Variants in PCDHGA12 observed in about 807,000 individuals in gnomAD.
The protein encoded by PCDHGA12 is protocadherin gamma-A12.
In PCDHGA12, 43 loss-of-function variants were observed where a neutral mutation model predicts 61.1. The observed-to-expected ratio is 0.70, with a 90% CI of 0.55 to 0.91. The LOEUF (loss-of-function observed/expected upper bound fraction) is 0.91. PCDHGA12 is among the 40% of genes least tolerant of loss of function. PCDHGA12 has a pLI of 0.00. For missense variants in PCDHGA12, 1,236 were observed against 1,227.7 expected (o/e 1.01, Z -0.10); for synonymous variants, 520 against 542.9 (o/e 0.96, Z 0.59).
rs1244735686 is a variant in PCDHGA12 at position 141,432,142 on chromosome 5, C to A, written c.1383C>A (p.Ile461=). 1 of 1,614,098 alleles carries A rather than the reference C, an allele frequency of 6.2e-7. No homozygotes were observed. The highest frequency in any genetic ancestry group is 1.1e-5 in the South Asian group (1 of 91,066). Residue 461 remains isoleucine, a synonymous_variant, in exon 1 of 4, where the codon ATC becomes ATA. Transcript: ENST00000252085. This position sits in a 1 kb window ranked among gnomAD's most constrained non-coding sequence, Gnocchi z 6.0. ...CTCAGGCCTCCTATTCCGCTTATAT[C>A]CCAGAGAACAATCCCAGAGGAGTTT... The part of the protein sequence containing the change: ...VFPQASYSAY[I]PENNPRGVSL...
intron 1 of PCDHGA12, among the ~76,000 whole-genome samples, chr5:141,463,393 C>CA (rs955461719): frequency 5.7e-5 from 8 of 140,804 alleles, no homozygotes; most frequent in Non-Finnish European, 7.6e-5. Flanking sequence ...TGTCTCCAGG[C>CA]AAAAAAAATG....
Position 141,491,902 on chromosome 5 carries a change from G to C in PCDHGA12, c.2425-2905G>C. On this transcript the variant is annotated intron_variant, in intron 1 of 3. Transcript: ENST00000252085. This position sits in a 1 kb window ranked among gnomAD's most constrained non-coding sequence, Gnocchi z 6.9. ...AGGGATGGGGCTCCGAGCACCGGGG[G>C]TGGTGGCGACTGTGGGCGAGGGGAG... 7.0e-7 allele frequency: 1 copy of C among 1,429,002 alleles called. No individual in the cohort carries two copies. Among genetic ancestry groups the C allele is most frequent in the Non-Finnish European group, 9.3e-7 (1 of 1,079,426 alleles). The allele number at this position is 1,429,002 out of a possible 1,614,324, so 88.5% of individuals were successfully genotyped here. A position where few individuals can be genotyped will look rare whatever the true frequency, so the allele number is the denominator to read the frequency against.
rs979750945 is a variant in PCDHGA12 at position 141,478,807 on chromosome 5, A to G, written c.2425-16000A>G. The G allele has an allele frequency of 3.4e-6, 5 of 1,459,258 alleles. No homozygotes were observed. The African/African-American group carries it at 5.7e-5, about 17-fold the overall frequency. 90.4% of individuals were successfully genotyped at this position (1,459,258 alleles called of 1,614,324 possible). On this transcript the variant is annotated intron_variant, in intron 1 of 3. Transcript: ENST00000252085. The stretch of plus-strand genomic sequence containing the variant: ...TTCACATCCTCAGCACTCTTTTGCT[A>G]TCACAACTAACCAATCTTGCTAAGG...
At position 141,431,389 on chromosome 5, in the gene PCDHGA12, G is replaced by A; in HGVS notation, c.630G>A (p.Leu210=). 2 of 1,613,876 alleles carry A rather than the reference G, an allele frequency of 1.2e-6. No individual in the cohort carries two copies. The highest frequency in any genetic ancestry group is 1.7e-6 in the Non-Finnish European group (2 of 1,180,040). The part of the protein sequence containing the change: ...LDREEKAAHH[L]VLTASDGGDP... ...GCGAAGAAAAGGCTGCTCACCACCT[G>A]GTCCTTACGGCCTCCGACGGGGGCG... The change falls in exon 1 of 4, where the codon CTG becomes CTA. Residue 210 remains leucine (L), a synonymous_variant. Coordinates refer to ENST00000252085, the MANE Select transcript of PCDHGA12 (RefSeq NM_003735.3). This position sits in a 1 kb window ranked among gnomAD's most constrained non-coding sequence, Gnocchi z 4.8.
Position 141,476,294 on chromosome 5 carries a change from A to G in PCDHGA12, c.2425-18513A>G. 6.2e-7 allele frequency: 1 copy of G among 1,613,036 alleles called. No homozygotes were observed. The highest frequency in any genetic ancestry group is 8.5e-7 in the Non-Finnish European group (1 of 1,179,642). On this transcript the variant is annotated intron_variant, in intron 1 of 3. Transcript: ENST00000252085. The surrounding 1 kb of genome is among the most constrained non-coding windows in gnomAD (Gnocchi z 7.6). ...CGCGAACCTTGGTTTGGATCTCGGT[A>G]GCCTCTCAGCCCGCAGGTTCCGGGT...
intron 2 of PCDHGA12, among the ~76,000 whole-genome samples, chr5:141,498,747 C>T (rs1363145286): frequency 6.6e-6 from 1 of 152,106 alleles, no homozygotes; most frequent in Non-Finnish European, 1.5e-5. Context: ...GCCTGGCCAA[C>T]ATGATGAAAC....
Position 141,430,946 on chromosome 5 carries a change from G to A in PCDHGA12, c.187G>A (p.Gly63Arg), listed in dbSNP as rs2097328634. ...GLEPRELAER[G>R]VRIIPRGRTQ... Reference sequence around the variant, plus strand: ...GGAGCCCCGGGAGCTCGCGGAGCGCGGAGTCCGCATCATCCCCAGAGGTAG... The same window carrying A: ...GGAGCCCCGGGAGCTCGCGGAGCGCAGAGTCCGCATCATCCCCAGAGGTAG... Residue 63 changes from glycine to arginine, a missense_variant, in exon 1 of 4, where the codon GGA becomes AGA. Physicochemically the swap from Gly to Arg is moderately radical, Grantham distance 125. Transcript: ENST00000252085. 6.2e-7 allele frequency: 1 copy of A among 1,609,494 alleles called. No homozygotes were observed. Among genetic ancestry groups the A allele is most frequent in the Non-Finnish European group, 8.5e-7 (1 of 1,178,154 alleles).
At chr5:141,468,425 T>TA (rs2099167168) in intron 1 of PCDHGA12, 1 of 151,612 alleles carries the variant, frequency 6.6e-6, no homozygotes, top group Non-Finnish European at 1.5e-5. Context: ...GATAGCAAGG[T>TA]AATAGCAAAA....
rs751874380 is a variant in PCDHGA12 at position 141,486,055 on chromosome 5, C to A, written c.2425-8752C>A. ...CTGATCGTGTAAGAAACCTCTTTAG[C>A]CTGCACCCCACTACTGGAAAGCTTA... On this transcript the variant is annotated intron_variant, in intron 1 of 3. Transcript: ENST00000252085. The surrounding 1 kb of genome is among the most constrained non-coding windows in gnomAD (Gnocchi z 5.0). The A allele has an allele frequency of 6.2e-7, 1 of 1,614,170 alleles. No individual in the cohort carries two copies. Among genetic ancestry groups the A allele is most frequent in the South Asian group, 1.1e-5 (1 of 91,072 alleles).
At chr5:141,499,287 C>T (rs896428388) in intron 2 of PCDHGA12, among the ~76,000 whole-genome samples, 3 of 152,184 alleles carry the variant, frequency 2.0e-5, no homozygotes, top group Non-Finnish European at 2.9e-5. Context: ...CTGATGGCTC[C>T]ACACTACCAT....
In PCDHGA12 at chr5:141,476,299, C is replaced by G; in HGVS notation, c.2425-18508C>G. On this transcript the variant is annotated intron_variant, in intron 1 of 3. Transcript: ENST00000252085. This position sits in a 1 kb window ranked among gnomAD's most constrained non-coding sequence, Gnocchi z 7.6. The stretch of plus-strand genomic sequence containing the variant: ...ACCTTGGTTTGGATCTCGGTAGCCT[C>G]TCAGCCCGCAGGTTCCGGGTGGTGT... The G allele has an allele frequency of 6.2e-7, 1 of 1,614,100 alleles. No individual in the cohort carries two copies. The highest frequency in any genetic ancestry group is 8.5e-7 in the Non-Finnish European group (1 of 1,180,014).
At chr5:141,445,300 TCA>T (rs1443961962) in intron 1 of PCDHGA12, among the ~76,000 whole-genome samples, 1 of 152,202 alleles carries the variant, frequency 6.6e-6, no homozygotes, top group Non-Finnish European at 1.5e-5. Flanking sequence ...TCCATTCTCT[TCA>T]GTTTGTAGGT....
chr5:141,492,091 C>G (rs930375969), intron 1 of PCDHGA12, among the ~76,000 whole-genome samples: 5 of 152,242 alleles, frequency 3.3e-5, no homozygotes, highest in Non-Finnish European at 5.9e-5. Flanking sequence ...CACGCTTCGC[C>G]GGTCTGTAGA....
In PCDHGA12 at chr5:141,476,432, G is replaced by T; in HGVS notation, c.2425-18375G>T. 6.2e-7 allele frequency: 1 copy of T among 1,614,116 alleles called. No individual in the cohort carries two copies. The highest frequency in any genetic ancestry group is 8.5e-7 in the Non-Finnish European group (1 of 1,180,028). ...GTGTGGGACACTGCCCTCTTGCACT[G>T]TAACTCTGGAGTTGGTAGTGGAGAA... On this transcript the variant is annotated intron_variant, in intron 1 of 3. Coordinates refer to ENST00000252085, the MANE Select transcript of PCDHGA12 (RefSeq NM_003735.3). The surrounding 1 kb of genome is among the most constrained non-coding windows in gnomAD (Gnocchi z 7.6).
rs1267965791 is a variant in PCDHGA12, at chr5:141,431,329, G to C, written c.570G>C (p.Lys190Asn). 1 of 1,614,002 alleles carries C rather than the reference G, an allele frequency of 6.2e-7. No individual in the cohort carries two copies. Among genetic ancestry groups the C allele is most frequent in the East Asian group, 2.2e-5 (1 of 44,904 alleles). The change falls in exon 1 of 4, where the codon AAG becomes AAC. Residue 190 changes from lysine (K) to asparagine (N), a missense_variant. Coordinates refer to ENST00000252085, the MANE Select transcript of PCDHGA12 (RefSeq NM_003735.3). The surrounding 1 kb of genome is among the most constrained non-coding windows in gnomAD (Gnocchi z 4.8). ...TGCAAAATGGAGCCGACGGTAGTAA[G>C]TACCCCGAATTGGTGCTGAAACGCG... ...LIVQNGADGSKYPELVLKRAL... is the reference protein window; with the variant it reads ...LIVQNGADGSNYPELVLKRAL...
At position 141,491,692 on chromosome 5, in the gene PCDHGA12, C is replaced by T. The variant is rs749349869; in HGVS notation, c.2425-3115C>T. On this transcript the variant is annotated intron_variant, in intron 1 of 3. Coordinates refer to ENST00000252085, the MANE Select transcript of PCDHGA12 (RefSeq NM_003735.3). This position sits in a 1 kb window ranked among gnomAD's most constrained non-coding sequence, Gnocchi z 6.9. ...GTCCCGCTCTAATACGCTGCGGGAG[C>T]GGAGCCAGGTGAGGGGCTCGGCGCC... is the stretch of plus-strand genomic sequence containing the variant. 1 of 1,612,594 alleles carries T rather than the reference C, an allele frequency of 6.2e-7. No homozygotes were observed. The highest frequency in any genetic ancestry group is 8.5e-7 in the Non-Finnish European group (1 of 1,179,340).
At chr5:141,495,123 T>C (rs2099759225) in intron 2 of PCDHGA12, among the ~76,000 whole-genome samples, 1 of 152,162 alleles carries the variant, frequency 6.6e-6, no homozygotes, top group African/African-American at 2.4e-5. Flanking sequence ...TCCTATCCCC[T>C]GAGGGCACTG....
chr5:141,457,504 A>G (rs2098922754), intron 1 of PCDHGA12, among the ~76,000 whole-genome samples: 1 of 152,222 alleles, frequency 6.6e-6, no homozygotes, highest in Non-Finnish European at 1.5e-5. Context: ...GTAGGCAAAA[A>G]GCTTAAAAAC....
At position 141,485,709 on chromosome 5, in the gene PCDHGA12, C is replaced by A. The variant is rs2099618118; in HGVS notation, c.2425-9098C>A. On this transcript the variant is annotated intron_variant, in intron 1 of 3. Transcript: ENST00000252085. This position sits in a 1 kb window ranked among gnomAD's most constrained non-coding sequence, Gnocchi z 5.7. ...AGGCTGAGCTCCAATGAACACTTTGCACTGGATGTGAAGAAGCGCAGCGAC... is the reference window on the plus strand; with the variant it reads ...AGGCTGAGCTCCAATGAACACTTTGAACTGGATGTGAAGAAGCGCAGCGAC... The A allele has an allele frequency of 1.2e-6, 2 of 1,614,128 alleles. No homozygotes were observed. The highest frequency in any genetic ancestry group is 1.7e-6 in the Non-Finnish European group (2 of 1,180,028).
Sources: allele counts gnomAD v4.1 joint callset (sites outside exome capture counted in the v4.1 genomes callset), GRCh38; gene constraint gnomAD v4.1.1; non-coding constraint Gnocchi (gnomAD v3.1); transcripts MANE v1.5; gene names NCBI Gene and HGNC (gene_info 2026-07-23, HGNC 2026-07-21).